The following PRSS12 variants were observed in gnomAD, a reference collection of about 807,000 sequenced individuals.
PRSS12 encodes neurotrypsin.
Under a neutral mutation model 104.4 loss-of-function variants are expected in PRSS12, and 85 were observed. The ratio of observed to expected loss-of-function variants is 0.81; its 90% CI spans 0.68 to 0.98. The LOEUF (loss-of-function observed/expected upper bound fraction) is 0.98. Ranked by LOEUF, PRSS12 falls within the 50% of genes least tolerant of loss-of-function variation. PRSS12 has a pLI of 0.00. For missense variants in PRSS12, 1,141 were observed against 1,139.2 expected (o/e 1.00, Z -0.02); for synonymous variants, 454 against 425.2 (o/e 1.07, Z -0.83).
chr4:118,344,406 A>G (rs1308699895), intron 1 of PRSS12, among the ~76,000 whole-genome samples: 5 of 150,168 alleles, frequency 3.3e-5, no homozygotes, highest in Admixed American at 3.3e-4. Flanking sequence ...TTCTTTCTTC[A>G]CTATATTCTA....
chr4:118,300,121 T>C (rs1485537852), intron 8 of PRSS12, among the ~76,000 whole-genome samples: 1 of 151,938 alleles, frequency 6.6e-6, no homozygotes, highest in Non-Finnish European at 1.5e-5. Context: ...GGAGACCCTC[T>C]CACCTCATCC....
intron 11 of PRSS12, among the ~76,000 whole-genome samples, chr4:118,285,981 G>A (rs952045183): frequency 4.6e-5 from 7 of 152,096 alleles, no homozygotes; most frequent in African/African-American, 1.7e-4. Flanking sequence ...TCTTCAACCA[G>A]TAAGCAAAGA....
At chr4:118,316,777 G>T (rs530482137) in intron 5 of PRSS12, among the ~76,000 whole-genome samples, 1 of 142,688 alleles carries the variant, frequency 7.0e-6, no homozygotes, top group Non-Finnish European at 1.5e-5. Context: ...AGCTGAAATC[G>T]CACCACTGCC....
chr4:118,318,403 A>G lies in PRSS12; in HGVS notation c.1125T>C (p.Ala375=). ...GEHNCGHKED[A]GVSCTPLTDG... The stretch of plus-strand genomic sequence containing the variant: ...CTGTTAGAGGGGTACAGGACACTCC[A>G]GCATCTTCTTTATGGCCACAGTTAT... Residue 375 remains alanine, a synonymous_variant, in exon 5 of 13, where the codon GCT becomes GCC. Transcript: ENST00000296498. 2 of 1,614,130 alleles carry G rather than the reference A, an allele frequency of 1.2e-6. No individual in the cohort carries two copies. The highest frequency in any genetic ancestry group is 1.7e-6 in the Non-Finnish European group (2 of 1,179,978).
At chr4:118,304,932 G>A (rs1164667902) in intron 8 of PRSS12, among the ~76,000 whole-genome samples, 1 of 151,728 alleles carries the variant, frequency 6.6e-6, no homozygotes, top group Non-Finnish European at 1.5e-5. Flanking sequence ...AGAACTGGCT[G>A]GAGGACAGAT....
intron 4 of PRSS12, among the ~76,000 whole-genome samples, chr4:118,325,386 A>G (rs11098433): frequency 6.6e-6 from 1 of 151,242 alleles, no homozygotes; most frequent in African/African-American, 2.4e-5. Flanking sequence ...CTGTATGTTT[A>G]TTATTTTAAT....
intron 1 of PRSS12, among the ~76,000 whole-genome samples, chr4:118,347,686 GTGTT>G (rs1724392693): frequency 6.6e-6 from 1 of 152,258 alleles, no homozygotes; most frequent in East Asian, 1.9e-4. Context: ...GTGTTTTGTT[GTGTT>G]TGTTTTGCTT....
At chr4:118,313,664 A>C (rs938910565) in intron 6 of PRSS12, among the ~76,000 whole-genome samples, 7 of 152,202 alleles carry the variant, frequency 4.6e-5, no homozygotes, top group African/African-American at 1.7e-4. Flanking sequence ...TTTTGTCTAC[A>C]AAACCAATCA....
At chr4:118,322,878 T>C (rs576581379) in intron 4 of PRSS12, among the ~76,000 whole-genome samples, 4 of 151,834 alleles carry the variant, frequency 2.6e-5, no homozygotes, top group Non-Finnish European at 5.9e-5. Flanking sequence ...TTTATATTGC[T>C]TGTGAGCCGA....
chr4:118,332,826 A>G (rs1316558095), intron 3 of PRSS12, among the ~76,000 whole-genome samples: 1 of 152,222 alleles, frequency 6.6e-6, no homozygotes, highest in African/African-American at 2.4e-5. Flanking sequence ...ACATCTATTC[A>G]TTAATTTCTG....
intron 4 of PRSS12, among the ~76,000 whole-genome samples, chr4:118,325,613 A>C (rs1578927961): frequency 6.6e-6 from 1 of 152,098 alleles, no homozygotes; most frequent in South Asian, 2.1e-4. Context: ...GCTGGCTTTC[A>C]AGAGAATACC....
intron 8 of PRSS12, chr4:118,303,727 C>T (rs887275371): frequency 6.6e-6 from 1 of 152,046 alleles, no homozygotes; most frequent in Admixed American, 6.5e-5. Flanking sequence ...TTTATATCCT[C>T]AAATTTCACA....
In PRSS12 at chr4:118,352,833, C is replaced by T; in HGVS notation, c.-113G>A. ...CGTCCCTCGAATCCCCCAGCCCCCT[C>T]CCGCCCCCGCACGCGGACCGCCCTC... is the stretch of plus-strand genomic sequence containing the variant. On this transcript the variant is annotated 5_prime_UTR_variant, in exon 1 of 13. Transcript: ENST00000296498. 6.0e-6 allele frequency: 9 copies of T among 1,500,266 alleles called. No individual in the cohort carries two copies. The highest frequency in any genetic ancestry group is 7.1e-6 in the Non-Finnish European group (8 of 1,125,732). 92.9% of individuals were successfully genotyped at this position (1,500,266 alleles called of 1,614,324 possible).
At chr4:118,304,403 A>G (rs2030635) in intron 8 of PRSS12, among the ~76,000 whole-genome samples, 81,390 of 151,696 alleles carry the variant, frequency 0.54, 22,182 homozygotes, top group South Asian at 0.6. Context: ...TAAGAGTGGT[A>G]TAACTGTTTT....
rs1269408257 is a variant in PRSS12, at chr4:118,283,098, T to C, written c.2053A>G (p.Thr685Ala). ...CCAACCCTAACAGCATAGCTCCTAGTGCTGTTGCCATACCTGAGAGGCAGA... is the reference window on the plus strand; with the variant it reads ...CCAACCCTAACAGCATAGCTCCTAGCGCTGTTGCCATACCTGAGAGGCAGA... ...AHCFKRYGNS[T>A]RSYAVRVGDY... is the part of the protein sequence containing the mutation. The change falls in exon 12 of 13, where the codon ACT becomes GCT. Residue 685 changes from threonine to alanine, a missense_variant. Coordinates refer to ENST00000296498, the MANE Select transcript of PRSS12 (RefSeq NM_003619.4). 1.2e-6 allele frequency: 2 copies of C among 1,614,078 alleles called. No individual in the cohort carries two copies. The highest frequency in any genetic ancestry group is 1.6e-4 in the Middle Eastern group (1 of 6,082).
In PRSS12 at chr4:118,352,236, T is replaced by G; in HGVS notation, c.485A>C (p.Tyr162Ser). The change falls in exon 1 of 13, where the codon TAC becomes TCC. Residue 162 changes from tyrosine (Y) to serine (S), a missense_variant. Coordinates refer to ENST00000296498, the MANE Select transcript of PRSS12 (RefSeq NM_003619.4). ...GDARGKVDWG[Y>S]CDCRHGSVRL... ...CCACTAACCGTGTCTGCAGTCGCAG[T>G]AGCCCCAGTCCACCTTGCCACGGGC... 6.2e-7 allele frequency: 1 copy of G among 1,612,130 alleles called. No individual in the cohort carries two copies. Among genetic ancestry groups the G allele is most frequent in the Non-Finnish European group, 8.5e-7 (1 of 1,179,776 alleles).
intron 8 of PRSS12, among the ~76,000 whole-genome samples, chr4:118,307,993 C>G (rs1302029149): frequency 6.6e-6 from 1 of 152,148 alleles, no homozygotes; most frequent in East Asian, 1.9e-4. Flanking sequence ...GTGACCTCAG[C>G]TCTAGGAGCA....
chr4:118,311,661 G>A (rs918418196), intron 7 of PRSS12, among the ~76,000 whole-genome samples: 1 of 152,120 alleles, frequency 6.6e-6, no homozygotes, highest in Non-Finnish European at 1.5e-5. Context: ...ACATTACTGA[G>A]ATTAGAACCA....
chr4:118,290,109 T>C (rs1743096327), intron 11 of PRSS12, among the ~76,000 whole-genome samples: 1 of 152,134 alleles, frequency 6.6e-6, no homozygotes, highest in South Asian at 2.1e-4. Flanking sequence ...AGTCATACAG[T>C]AGACACTTGG....
Sources: allele counts gnomAD v4.1 joint callset (sites outside exome capture counted in the v4.1 genomes callset), GRCh38; gene constraint gnomAD v4.1.1; transcripts MANE v1.5; gene names NCBI Gene and HGNC (gene_info 2026-07-23, HGNC 2026-07-21).